KCNAB2: variants seen among roughly 807,000 people sequenced by gnomAD.
KCNAB2 encodes the protein potassium voltage-gated channel subfamily A regulatory beta subunit 2.
In KCNAB2, 29 loss-of-function variants were observed where a neutral mutation model predicts 63.6. The observed-to-expected ratio is 0.46, with a 90% CI of 0.34 to 0.62. KCNAB2 has a LOEUF of 0.62. Among genes scored for constraint, KCNAB2 ranks in the 20% least tolerant of loss-of-function variants. The pLI is 0.01. For missense variants in KCNAB2, 359 were observed against 563.9 expected (o/e 0.64, Z 3.68); for synonymous variants, 222 against 224.2 (o/e 0.99, Z 0.09).
At chr1:6,046,571 G>T (rs1290272628) in intron 1 of KCNAB2, among the ~76,000 whole-genome samples, 1 of 152,250 alleles carries the variant, frequency 6.6e-6, no homozygotes. Flanking sequence ...TGTCAGGGAG[G>T]TTTGGTCTTG....
chr1:6,085,937 G>C (rs1397535935), intron 6 of KCNAB2: 4 of 985,316 alleles, frequency 4.1e-6, no homozygotes, highest in Non-Finnish European at 4.8e-6. Flanking sequence ...CGGTCCCCGG[G>C]TGTGATGGAG....
At chr1:6,060,247 C>T (rs71629764) in intron 2 of KCNAB2, among the ~76,000 whole-genome samples, 4,770 of 152,304 alleles carry the variant, frequency 0.031, 120 homozygotes, top group Admixed American at 0.044. Context: ...ACCGCTGATG[C>T]GCTCTCCTGC....
intron 10 of KCNAB2, 63 bp downstream of exon 10, chr1:6,091,370 A>G (rs1322375662): frequency 8.5e-7 from 1 of 1,171,246 alleles, no homozygotes; most frequent in African/African-American, 1.5e-5. Context: ...ATGAGACAGT[A>G]TTTTTATTTA....
intron 2 of KCNAB2, 44 bp from the exon 3 acceptor site, chr1:6,072,711 G>A (rs750430313): frequency 8.1e-6 from 13 of 1,608,890 alleles, no homozygotes; most frequent in Non-Finnish European, 1.1e-5. Flanking sequence ...GGCTGGCAGG[G>A]TCCTGCCTGG....
At chr1:6,088,747 GA>G (rs1169830797) in intron 7 of KCNAB2, among the ~76,000 whole-genome samples, 2 of 151,898 alleles carry the variant, frequency 1.3e-5, no homozygotes, top group East Asian at 1.9e-4. Flanking sequence ...AAATCAAACA[GA>G]CGGGTTAGGT....
In KCNAB2 at chr1:6,073,863, C is replaced by T. The variant is rs1557484579; in HGVS notation, c.300+93C>T. On this transcript the variant is annotated intron_variant, in intron 4 of 15. Coordinates refer to ENST00000378083, the MANE Select transcript of KCNAB2 (RefSeq NM_001199862.2). The surrounding 1 kb of genome is among the most constrained non-coding windows in gnomAD (Gnocchi z 5.7). Reference sequence around the variant, plus strand: ...CCGCGTGGACCAGTGAGCACGTGCTCCCGGGAGCCAGCGCAGCAGCCTCCC... The same window carrying T: ...CCGCGTGGACCAGTGAGCACGTGCTTCCGGGAGCCAGCGCAGCAGCCTCCC... 1 of 1,317,732 alleles carries T rather than the reference C, an allele frequency of 7.6e-7. No homozygotes were observed. 81.6% of individuals were successfully genotyped at this position (1,317,732 alleles called of 1,614,324 possible). A position where few individuals can be genotyped will look rare whatever the true frequency, so the allele number is the denominator to read the frequency against.
chr1:6,099,076 G>T lies in KCNAB2; in HGVS notation c.*502G>T, dbSNP rs56138424. 9.7e-4 allele frequency: 150 copies of T among 153,858 alleles called. No homozygotes were observed. Among genetic ancestry groups the T allele is most frequent in the Non-Finnish European group, 1.9e-3 (128 of 69,152 alleles). The allele number at this position is 153,858 out of a possible 1,614,324, so 9.5% of individuals were successfully genotyped here. A position where few individuals can be genotyped will look rare whatever the true frequency, so the allele number is the denominator to read the frequency against. The stretch of plus-strand genomic sequence containing the variant: ...GCCAGGGCCTTGGTTGCTGGGGCAG[G>T]GCCTCCCCACTGGGGGTCTTCCTCC... On this transcript the variant is annotated 3_prime_UTR_variant, in exon 16 of 16. Coordinates refer to ENST00000378083, the MANE Select transcript of KCNAB2 (RefSeq NM_001199862.2).
chr1:6,040,540 A>C, exon 2 of KCNAB2: 1 of 1,607,168 alleles, frequency 6.2e-7, no homozygotes, highest in Non-Finnish European at 8.5e-7. Context: ...TAAAAAACCG[A>C]GCAAGTCTGG....
intron 7 of KCNAB2, among the ~76,000 whole-genome samples, chr1:6,088,355 C>T (rs1366437996): frequency 6.6e-6 from 1 of 151,902 alleles, no homozygotes; most frequent in Non-Finnish European, 1.5e-5. Flanking sequence ...CCTCAAGTAG[C>T]TGGTTCTACA....
At chr1:6,058,865 G>C (rs1662069452) in intron 2 of KCNAB2, among the ~76,000 whole-genome samples, 1 of 152,112 alleles carries the variant, frequency 6.6e-6, no homozygotes, top group African/African-American at 2.4e-5. Context: ...CAGGACCACG[G>C]CTGGCAGCTG....
rs142654151 is a variant in KCNAB2, at chr1:6,096,814, C to T, written c.1069+58C>T. The T allele has an allele frequency of 6.0e-3, 8,947 of 1,491,076 alleles. 37 individuals are homozygous for T. The highest frequency in any genetic ancestry group is 7.0e-3 in the Non-Finnish European group (7,752 of 1,112,340). The allele number at this position is 1,491,076 out of a possible 1,614,324, so 92.4% of individuals were successfully genotyped here. ...CTGGGGAGAACCTGCCCCAGCTGGCCGTAGGTAACAGGGTGGGGTTGCCAT... is the reference window on the plus strand; with the variant it reads ...CTGGGGAGAACCTGCCCCAGCTGGCTGTAGGTAACAGGGTGGGGTTGCCAT... On this transcript the variant is annotated intron_variant, in intron 14 of 15. Transcript: ENST00000378083. The surrounding 1 kb of genome is among the most constrained non-coding windows in gnomAD (Gnocchi z 5.9).
chr1:6,014,420 C>G (rs1436770529), intron 1 of KCNAB2, among the ~76,000 whole-genome samples: 2 of 152,236 alleles, frequency 1.3e-5, no homozygotes, highest in South Asian at 4.1e-4. Context: ...TGAAGTAACA[C>G]AAGTGAGGTT....
Position 6,087,330 on chromosome 1 carries a change from G to C in KCNAB2, c.426-137G>C. The stretch of plus-strand genomic sequence containing the variant: ...GTGGTACACATCATATGATGGAGAA[G>C]TGCCCATTTCATGCCCCAGGCTCCT... On this transcript the variant is annotated intron_variant, in intron 6 of 15. Coordinates refer to ENST00000378083, the MANE Select transcript of KCNAB2 (RefSeq NM_001199862.2). The surrounding 1 kb of genome is among the most constrained non-coding windows in gnomAD (Gnocchi z 6.4). The C allele has an allele frequency of 1.1e-6, 1 of 899,758 alleles. No individual in the cohort carries two copies. Among genetic ancestry groups the C allele is most frequent in the Non-Finnish European group, 1.8e-6 (1 of 542,332 alleles). 55.7% of individuals were successfully genotyped at this position (899,758 alleles called of 1,614,324 possible). A position where few individuals can be genotyped will look rare whatever the true frequency, so the allele number is the denominator to read the frequency against.
chr1:6,009,155 A>G (rs958613342), intron 1 of KCNAB2, among the ~76,000 whole-genome samples: 2 of 152,178 alleles, frequency 1.3e-5, no homozygotes, highest in Admixed American at 6.5e-5. Context: ...CAGCACCACT[A>G]TGCAGCTCTC....
In KCNAB2 at chr1:6,099,848, G is replaced by A; in HGVS notation, c.*1274G>A. The A allele has an allele frequency of 6.5e-7, 1 of 1,546,740 alleles. No homozygotes were observed. Among genetic ancestry groups the A allele is most frequent in the Non-Finnish European group, 8.7e-7 (1 of 1,145,016 alleles). ...GCAGAGGGGAGAGAGGGCAGGACAG[G>A]CCAGAGTGACGCCCCCGTGCAGCTT... On this transcript the variant is annotated 3_prime_UTR_variant, in exon 16 of 16. Transcript: ENST00000378083.
chr1:6,083,995 C>T lies in KCNAB2; in HGVS notation c.381-1209C>T, dbSNP rs148332084. On this transcript the variant is annotated intron_variant, in intron 5 of 15. Transcript: ENST00000378083. ...CTTTCCTGATCCCCAAATCAGGGAC[C>T]AAGGAATAAAAGGAAGAGGCCTAGG... 2.9e-3 allele frequency among the ~76,000 whole-genome samples: 439 copies of T among 152,270 alleles called. 1 individual carries two copies. Among genetic ancestry groups the T allele is most frequent in the African/African-American group, 0.01 (416 of 41,550 alleles).
intron 5 of KCNAB2, 76 bp downstream of exon 5, chr1:6,082,350 T>C (rs1417497417): frequency 8.5e-7 from 1 of 1,175,226 alleles, no homozygotes; most frequent in Admixed American, 1.7e-5. Context: ...TTCCTGCCGC[T>C]CGCGTTCCCA....
Position 6,101,167 on chromosome 1 carries a change from A to G in KCNAB2, c.*2593A>G, listed in dbSNP as rs567561132. 9.8e-5 allele frequency: 15 copies of G among 152,376 alleles called. No individual in the cohort carries two copies. The East Asian group carries it at 2.9e-3, about 29-fold the overall frequency. The allele number at this position is 152,376 out of a possible 1,614,324, so 9.4% of individuals were successfully genotyped here. On this transcript the variant is annotated 3_prime_UTR_variant, in exon 16 of 16. Transcript: ENST00000378083. ...GTATTTATGGAATGACAAAATAAAT[A>G]AAGCCCAAACCCATCGGTCTCTGTG...
intron 1 of KCNAB2, among the ~76,000 whole-genome samples, chr1:6,004,953 A>T (rs77772169): frequency 0.068 from 5,901 of 86,324 alleles, 177 homozygotes; most frequent in South Asian, 0.082. Flanking sequence ...GAGTGGGGGG[A>T]TGTGGGAGCT....
Sources: gnomAD v4.1 joint callset for allele counts (sites outside exome capture counted in the v4.1 genomes callset) on GRCh38, gnomAD v4.1.1 for gene constraint, Gnocchi (gnomAD v3.1) non-coding constraint, MANE v1.5 for transcripts, NCBI Gene and HGNC (gene_info 2026-07-23, HGNC 2026-07-21) for gene names.